ZNF385D: variants seen among roughly 807,000 people sequenced by gnomAD.
ZNF385D encodes the protein zinc finger protein 385D, also known as zinc finger protein 659.
A neutral mutation model predicts 35.8 loss-of-function variants in ZNF385D; 15 were observed. The observed-to-expected ratio is 0.42, with a 90% CI of 0.28 to 0.64. ZNF385D has a LOEUF of 0.64. Ranked by LOEUF, ZNF385D falls within the 30% of genes least tolerant of loss-of-function variation. The probability of loss-of-function intolerance (pLI) is 0.23; values close to 1 mark genes in which losing one functional copy is unlikely to be tolerated. For synonymous variants in ZNF385D, 212 were observed against 186.8 expected (o/e 1.13, Z -1.10); for missense variants, 474 against 494.6 (o/e 0.96, Z 0.39).
intron 1 of ZNF385D, among the ~76,000 whole-genome samples, chr3:21,733,728 GT>G (rs2069119106): frequency 6.6e-6 from 1 of 151,992 alleles, no homozygotes; most frequent in South Asian, 2.1e-4. Context: ...AAATTTTTAT[GT>G]TTGAATCTTT....
chr3:22,311,988 G>T (rs1051336776), intron 2 of ZNF385D, among the ~76,000 whole-genome samples: 1 of 152,060 alleles, frequency 6.6e-6, no homozygotes. Flanking sequence ...ACAACACTTG[G>T]AGGCATTAGA....
At chr3:21,996,101 C>T (rs1357216105) in intron 3 of ZNF385D, among the ~76,000 whole-genome samples, 1 of 152,016 alleles carries the variant, frequency 6.6e-6, no homozygotes, top group Non-Finnish European at 1.5e-5. Context: ...GTGGGCTGGG[C>T]TCTCAAAATG....
Position 21,640,407 on chromosome 3 carries a change from G to C in ZNF385D, c.165+24479C>G, listed in dbSNP as rs117739073. On this transcript the variant is annotated intron_variant, in intron 2 of 7. Transcript: ENST00000281523. ...CACGCTAGAAACTCAGATGCTTACT[G>C]TTATGGACTGAAGTTTGTCTGCCCC... is the stretch of plus-strand genomic sequence containing the variant. Among the ~76,000 whole-genome samples the C allele has an allele frequency of 3.2e-4, 48 of 152,138 alleles. No individual in the cohort carries two copies. In the East Asian group the frequency reaches 8.7e-3, roughly 28 times the overall value.
intron 3 of ZNF385D, among the ~76,000 whole-genome samples, chr3:22,131,892 G>A (rs930732696): frequency 1.3e-5 from 2 of 152,132 alleles, no homozygotes; most frequent in Non-Finnish European, 2.9e-5. Context: ...TTATTTTGTA[G>A]CATTAAGAAC....
At chr3:21,736,265 G>C (rs1249846878) in intron 1 of ZNF385D, among the ~76,000 whole-genome samples, 1 of 152,088 alleles carries the variant, frequency 6.6e-6, no homozygotes, top group Non-Finnish European at 1.5e-5. Flanking sequence ...TGGAAATTTT[G>C]TTTCCTTGAT....
chr3:22,146,922 A>G (rs1225238669), intron 3 of ZNF385D, among the ~76,000 whole-genome samples: 2 of 152,174 alleles, frequency 1.3e-5, no homozygotes, highest in African/African-American at 4.8e-5. Flanking sequence ...TTTTTACATG[A>G]GACTATTTTG....
At position 21,761,869 on chromosome 3, in the gene ZNF385D, C is replaced by CTTTTTT. The variant is rs58790934; in HGVS notation, c.326-96847_326-96842dup. ...TTATGATTTCAAGAGCATTTTCTTC[C>CTTTTTT]TTTTTTTTTTTTTTTTTTTTTTTTT... On this transcript the variant is annotated intron_variant, in intron 3 of 5. Coordinates refer to the ZNF385D transcript ENST00000494108. Among the ~76,000 whole-genome samples, 13 of 77,224 alleles carry CTTTTTT rather than the reference C, an allele frequency of 1.7e-4. 2 individuals carry two copies. Among genetic ancestry groups the CTTTTTT allele is most frequent in the Non-Finnish European group, 2.4e-4 (11 of 45,276 alleles). The allele number at this position is 77,224 out of a possible 152,430, so 50.7% of individuals were successfully genotyped here. A position where few individuals can be genotyped will look rare whatever the true frequency, so the allele number is the denominator to read the frequency against.
chr3:22,319,673 A>C (rs140787125), intron 2 of ZNF385D, among the ~76,000 whole-genome samples: 87 of 152,226 alleles, frequency 5.7e-4, no homozygotes, highest in African/African-American at 2.0e-3. Flanking sequence ...TCCTGTGAAA[A>C]GATGTCCTCC....
chr3:22,179,100 A>C (rs1006818650), intron 2 of ZNF385D, among the ~76,000 whole-genome samples: 1 of 152,092 alleles, frequency 6.6e-6, no homozygotes, highest in African/African-American at 2.4e-5. Context: ...ACTTTAAAGT[A>C]GTTTTTTCCA....
Position 21,821,959 on chromosome 3 carries a change from T to A in ZNF385D, c.326-156931A>T, listed in dbSNP as rs1427313965. On this transcript the variant is annotated intron_variant, in intron 3 of 5. Coordinates refer to the ZNF385D transcript ENST00000494108. ...CCAGCCTGAATGACAGAGGAAGACC[T>A]TGTCTCAAAAAAAAAAAAAAAAAAA... 3.1e-5 allele frequency among the ~76,000 whole-genome samples: 4 copies of A among 127,582 alleles called. No individual in the cohort carries two copies. In the East Asian group the frequency reaches 8.0e-4, roughly 25 times the overall value. 83.7% of individuals were successfully genotyped at this position (127,582 alleles called of 152,430 possible).
At chr3:21,910,108 G>A (rs1204785740) in intron 3 of ZNF385D, among the ~76,000 whole-genome samples, 3 of 119,850 alleles carry the variant, frequency 2.5e-5, no homozygotes, top group South Asian at 3.5e-4. Context: ...CACACACACA[G>A]AGCCAATTAT....
At chr3:21,747,039 CT>C (rs201989992) in intron 1 of ZNF385D, among the ~76,000 whole-genome samples, 48,494 of 136,182 alleles carry the variant, frequency 0.36, 9,014 homozygotes, top group East Asian at 0.58. Flanking sequence ...ACTAGATTTT[CT>C]TTTTTTTTTT....
At chr3:21,964,433 G>GAAAAAAA (rs10558356) in intron 3 of ZNF385D, among the ~76,000 whole-genome samples, 2 of 94,472 alleles carry the variant, frequency 2.1e-5, no homozygotes, top group Non-Finnish European at 3.9e-5. Context: ...AAAAAAAAAA[G>GAAAAAAA]AAAAAAAAAA....
At position 21,656,099 on chromosome 3, in the gene ZNF385D, A is replaced by G. The variant is rs189126955; in HGVS notation, c.165+8787T>C. Among the ~76,000 whole-genome samples, 173 of 152,094 alleles carry G rather than the reference A, an allele frequency of 1.1e-3. 1 individual carries two copies. Among genetic ancestry groups the G allele is most frequent in the African/African-American group, 4.1e-3 (169 of 41,536 alleles). On this transcript the variant is annotated intron_variant, in intron 2 of 7. Coordinates refer to ENST00000281523, the MANE Select transcript of ZNF385D (RefSeq NM_024697.3). ...CTTTCTTACCCTTACAACTGTATGT[A>G]GATGACCCACAATATAGAGTCTCTC...
intron 4 of ZNF385D, among the ~76,000 whole-genome samples, chr3:21,439,297 C>G (rs1428903048): frequency 3.4e-5 from 3 of 89,300 alleles, no homozygotes; most frequent in Non-Finnish European, 4.8e-5. Context: ...GATTTTGAGG[C>G]AAAAAAAAAA....
At chr3:22,058,154 G>T (rs1417283779) in intron 3 of ZNF385D, among the ~76,000 whole-genome samples, 1 of 152,002 alleles carries the variant, frequency 6.6e-6, no homozygotes, top group Admixed American at 6.6e-5. Context: ...TAAAGTATTG[G>T]TAACTCATAA....
At chr3:21,986,120 T>A (rs1477800074) in intron 3 of ZNF385D, among the ~76,000 whole-genome samples, 1 of 90,096 alleles carries the variant, frequency 1.1e-5, no homozygotes, top group East Asian at 2.4e-4. Context: ...AAAAACCAGC[T>A]CCTGGATTCA....
At chr3:21,640,112 C>T (rs1390885772) in intron 2 of ZNF385D, among the ~76,000 whole-genome samples, 1 of 151,914 alleles carries the variant, frequency 6.6e-6, no homozygotes, top group East Asian at 1.9e-4. Flanking sequence ...CTTTTCTTTT[C>T]CAAGTCTTTG....
At chr3:21,935,974 G>C (rs568479360) in intron 3 of ZNF385D, among the ~76,000 whole-genome samples, 6 of 152,148 alleles carry the variant, frequency 3.9e-5, no homozygotes, top group South Asian at 4.2e-4. Flanking sequence ...AACAGAATAG[G>C]GGAACAATGA....
Sources: allele counts gnomAD v4.1 joint callset (sites outside exome capture counted in the v4.1 genomes callset), GRCh38; gene constraint gnomAD v4.1.1; transcripts MANE v1.5; gene names NCBI Gene and HGNC (gene_info 2026-07-23, HGNC 2026-07-21).